NRXN3: variants seen among roughly 807,000 people sequenced by gnomAD.
The protein encoded by NRXN3 is neurexin III.
In NRXN3, 32 loss-of-function variants were observed where a neutral mutation model predicts 137.6. That is an observed-to-expected ratio of 0.23 (90% CI 0.18 to 0.31). The LOEUF (loss-of-function observed/expected upper bound fraction) is 0.31. Among genes scored for constraint, NRXN3 ranks in the 10% least tolerant of loss-of-function variants. The pLI, the probability that NRXN3 is intolerant of heterozygous loss-of-function variation, is 1.00. For missense variants in NRXN3, 1,574 were observed against 2,062.5 expected, an observed-to-expected ratio of 0.76 and a Z score of 4.59; for synonymous variants, 798 against 784.5, an observed-to-expected ratio of 1.02 and a Z score of -0.29.
At chr14:78,525,588 T>C (rs1231639127) in intron 4 of NRXN3, among the ~76,000 whole-genome samples, 1 of 152,182 alleles carries the variant, frequency 6.6e-6, no homozygotes, top group East Asian at 1.9e-4. Flanking sequence ...CCACTTGCCA[T>C]GGTACTAAAG....
intron 1 of NRXN3, among the ~76,000 whole-genome samples, chr14:78,228,281 T>C (rs1384997600): frequency 6.6e-6 from 1 of 151,260 alleles, no homozygotes; most frequent in African/African-American, 2.4e-5. Flanking sequence ...CTCAGCCTCC[T>C]ATGTAGCTAG....
chr14:78,429,808 A>G (rs1228333924), intron 4 of NRXN3, among the ~76,000 whole-genome samples: 2 of 152,212 alleles, frequency 1.3e-5, no homozygotes, highest in Non-Finnish European at 2.9e-5. Context: ...AGCTGAAAAT[A>G]TGTGTTAGTA....
intron 15 of NRXN3, among the ~76,000 whole-genome samples, chr14:79,349,545 TACACACACACACACACACACAC>T (rs71131694): frequency 2.2e-5 from 3 of 137,636 alleles, no homozygotes; most frequent in African/African-American, 8.1e-5. Context: ...GAAAAAAAAA[TACACACACACACACACACACAC>T]ACACACACAC....
intron 15 of NRXN3, among the ~76,000 whole-genome samples, chr14:79,389,526 C>A (rs1398247407): frequency 2.0e-5 from 3 of 152,186 alleles, no homozygotes; most frequent in African/African-American, 7.2e-5. Context: ...ACATTCAAAC[C>A]ATAGCATTTG....
intron 4 of NRXN3, among the ~76,000 whole-genome samples, chr14:78,618,050 C>T (rs2097363863): frequency 6.6e-6 from 1 of 151,724 alleles, no homozygotes; most frequent in Non-Finnish European, 1.5e-5. Flanking sequence ...ATCTCCATAC[C>T]CCCATCTTCT....
chr14:78,979,320 G>C (rs893195282), intron 14 of NRXN3, among the ~76,000 whole-genome samples: 7 of 151,918 alleles, frequency 4.6e-5, no homozygotes, highest in Non-Finnish European at 1.0e-4. Context: ...TTATATTTTA[G>C]CAGTCGAGAC....
At chr14:79,390,232 G>T (rs1221571553) in intron 15 of NRXN3, among the ~76,000 whole-genome samples, 1 of 151,030 alleles carries the variant, frequency 6.6e-6, no homozygotes, top group Non-Finnish European at 1.5e-5. Flanking sequence ...CAGGAGAATG[G>T]CATGAACCCA....
intron 15 of NRXN3, among the ~76,000 whole-genome samples, chr14:79,390,046 G>A (rs535436804): frequency 6.6e-5 from 10 of 152,272 alleles, no homozygotes; most frequent in African/African-American, 1.9e-4. Context: ...GTCCAGGAGC[G>A]GTGGCTCACG....
intron 15 of NRXN3, among the ~76,000 whole-genome samples, chr14:79,227,898 G>C (rs562463461): frequency 9.8e-5 from 14 of 142,328 alleles, no homozygotes; most frequent in Non-Finnish European, 2.1e-4. Flanking sequence ...TGTCTCAAAT[G>C]GTAAGTCAGG....
chr14:79,829,504 A>C (rs2099316266), intron 20 of NRXN3, among the ~76,000 whole-genome samples: 1 of 152,228 alleles, frequency 6.6e-6, no homozygotes, highest in Non-Finnish European at 1.5e-5. Flanking sequence ...AGATTTGTTA[A>C]GTGACATAGC....
chr14:79,413,165 A>T (rs1402540309), intron 15 of NRXN3, among the ~76,000 whole-genome samples: 2 of 151,574 alleles, frequency 1.3e-5, no homozygotes, highest in Non-Finnish European at 2.9e-5. Context: ...ATTACTTCCC[A>T]CTCGTCTTTG....
intron 10 of NRXN3, among the ~76,000 whole-genome samples, chr14:78,894,961 T>C (rs894872767): frequency 6.6e-6 from 1 of 151,754 alleles, no homozygotes; most frequent in African/African-American, 2.4e-5. Flanking sequence ...AACCATTTTG[T>C]AAATAGATGT....
At chr14:78,312,374 A>G (rs538980134) in intron 4 of NRXN3, among the ~76,000 whole-genome samples, 1 of 152,230 alleles carries the variant, frequency 6.6e-6, no homozygotes, top group South Asian at 2.1e-4. Flanking sequence ...GACTTTTAAA[A>G]AGCTTTTATA....
intron 15 of NRXN3, among the ~76,000 whole-genome samples, chr14:79,178,026 A>T (rs1295295892): frequency 1.3e-5 from 2 of 152,242 alleles, no homozygotes; most frequent in Non-Finnish European, 2.9e-5. Flanking sequence ...CAAGGCCAGT[A>T]ATAGAGAAGA....
intron 15 of NRXN3, among the ~76,000 whole-genome samples, chr14:79,083,996 C>T (rs1477736182): frequency 6.6e-6 from 1 of 152,122 alleles, no homozygotes; most frequent in African/African-American, 2.4e-5. Context: ...CCTCGACCCC[C>T]ACCCCTAAGC....
intron 20 of NRXN3, among the ~76,000 whole-genome samples, chr14:79,827,817 C>T (rs2141180879): frequency 6.6e-6 from 1 of 151,970 alleles, no homozygotes; most frequent in East Asian, 1.9e-4. Flanking sequence ...GCCTCAGCCT[C>T]CCCAGTAGCT....
chr14:78,708,418 A>G (rs2098377334), intron 6 of NRXN3: 1 of 152,232 alleles, frequency 6.6e-6, no homozygotes, highest in South Asian at 2.1e-4. Flanking sequence ...TACAGAGGGC[A>G]CATGCAATGT....
intron 15 of NRXN3, among the ~76,000 whole-genome samples, chr14:79,004,126 T>A (rs985101884): frequency 1.3e-5 from 2 of 152,206 alleles, no homozygotes; most frequent in Non-Finnish European, 2.9e-5. Flanking sequence ...ATAATAAAGA[T>A]TTAAACTGAT....
intron 4 of NRXN3, among the ~76,000 whole-genome samples, chr14:78,564,040 G>A (rs987460187): frequency 3.3e-5 from 5 of 152,108 alleles, no homozygotes; most frequent in Non-Finnish European, 7.3e-5. Context: ...ATTTCAATTA[G>A]GTATTCCAAA....
Sources: gnomAD v4.1 joint callset for allele counts (sites outside exome capture counted in the v4.1 genomes callset) on GRCh38, gnomAD v4.1.1 for gene constraint, MANE v1.5 for transcripts, NCBI Gene and HGNC (gene_info 2026-07-23, HGNC 2026-07-21) for gene names.